The following TMEM170A variants were observed in gnomAD, a reference collection of about 807,000 sequenced individuals.
TMEM170A encodes the protein transmembrane protein 170A, also known as transmembrane protein 170.
In TMEM170A, 18 loss-of-function variants were observed where a neutral mutation model predicts 12.8. The ratio of observed to expected loss-of-function variants is 1.41; its 90% confidence interval spans 0.97 to 2.09. The LOEUF (loss-of-function observed/expected upper bound fraction) is 2.09. Ranked by LOEUF, TMEM170A falls within the 30% of genes most tolerant of loss-of-function variation. The pLI is 0.00. For synonymous variants in TMEM170A, 107 were observed against 76.2 expected (o/e 1.40, Z -2.11); for missense variants, 220 against 179.9 (o/e 1.22, Z -1.28).
intron 1 of TMEM170A, among the ~76,000 whole-genome samples, chr16:75,454,457 A>AGTACAC (rs1320568016): frequency 3.0e-5 from 2 of 66,574 alleles, no homozygotes; most frequent in African/African-American, 9.7e-5. Flanking sequence ...TCTCTCTAAA[A>AGTACAC]ATACACACAC....
chr16:75,457,304 T>A (rs2079816989), intron 1 of TMEM170A, among the ~76,000 whole-genome samples: 1 of 152,220 alleles, frequency 6.6e-6, no homozygotes, highest in African/African-American at 2.4e-5. Context: ...AGCTGGTAAT[T>A]TCCAGGAAAG....
chr16:75,459,721 G>A (rs2079868748), intron 1 of TMEM170A, among the ~76,000 whole-genome samples: 2 of 152,010 alleles, frequency 1.3e-5, no homozygotes, highest in African/African-American at 4.8e-5. Flanking sequence ...GCCGGGTTTG[G>A]TGGTGTCTGC....
chr16:75,452,998 C>G (rs541317099), intron 1 of TMEM170A, among the ~76,000 whole-genome samples: 1 of 152,266 alleles, frequency 6.6e-6, no homozygotes, highest in African/African-American at 2.4e-5. Flanking sequence ...AAGGGCAAAG[C>G]TGATAACAGT....
chr16:75,457,596 T>A (rs1284373666), intron 1 of TMEM170A, among the ~76,000 whole-genome samples: 1 of 152,216 alleles, frequency 6.6e-6, no homozygotes, highest in Non-Finnish European at 1.5e-5. Context: ...ACAGCTAGTC[T>A]GTGGTATTTT....
rs1226113138 is a variant in TMEM170A at position 75,443,159 on chromosome 16, T to C, written c.*4399A>G. On this transcript the variant is annotated 3_prime_UTR_variant, in exon 3 of 3. Transcript: ENST00000561878. ...GTTACACATGCTAGATATTAAGTTA[T>C]TTAAAAAATGAAAACTGAAGTCAAT... 6.6e-6 allele frequency: 1 copy of C among 152,176 alleles called. No homozygotes were observed. Among genetic ancestry groups the C allele is most frequent in the African/African-American group, 2.4e-5 (1 of 41,454 alleles). 9.4% of individuals were successfully genotyped at this position (152,176 alleles called of 1,614,324 possible).
chr16:75,460,312 G>T (rs2079880213), intron 1 of TMEM170A, among the ~76,000 whole-genome samples: 1 of 151,960 alleles, frequency 6.6e-6, no homozygotes, highest in South Asian at 2.1e-4. Flanking sequence ...AAAACCACTG[G>T]ATTGTACACT....
Position 75,447,489 on chromosome 16 carries a change from A to G in TMEM170A, c.*69T>C. ...CTTTGAAGAACTAAGAAAACACTACACTCCATAATGTATTCTTTTGGAGGA... is the reference window on the plus strand; with the variant it reads ...CTTTGAAGAACTAAGAAAACACTACGCTCCATAATGTATTCTTTTGGAGGA... On this transcript the variant is annotated 3_prime_UTR_variant, in exon 3 of 3. Transcript: ENST00000561878. 1 of 1,498,692 alleles carries G rather than the reference A, an allele frequency of 6.7e-7. No homozygotes were observed. Among genetic ancestry groups the G allele is most frequent in the South Asian group, 1.3e-5 (1 of 75,932 alleles). The allele number at this position is 1,498,692 out of a possible 1,614,324, so 92.8% of individuals were successfully genotyped here. A position where few individuals can be genotyped will look rare whatever the true frequency, so the allele number is the denominator to read the frequency against.
intron 1 of TMEM170A, chr16:75,458,263 T>A (rs1257647566): frequency 6.6e-6 from 1 of 152,222 alleles, no homozygotes; most frequent in Admixed American, 6.5e-5. Context: ...TAATACAATA[T>A]GATATTGGAA....
intron 1 of TMEM170A, among the ~76,000 whole-genome samples, chr16:75,462,090 A>G (rs928349289): frequency 1.3e-5 from 2 of 152,224 alleles, no homozygotes; most frequent in Non-Finnish European, 2.9e-5. Context: ...GATAGACATC[A>G]TCTTCACCAA....
chr16:75,454,737 T>C (rs1490516981), intron 1 of TMEM170A, among the ~76,000 whole-genome samples: 1 of 152,164 alleles, frequency 6.6e-6, no homozygotes, highest in Non-Finnish European at 1.5e-5. Context: ...AGATCTAAAG[T>C]GCCAGTATAG....
At chr16:75,460,387 A>C (rs1597454554) in intron 1 of TMEM170A, among the ~76,000 whole-genome samples, 2 of 150,476 alleles carry the variant, frequency 1.3e-5, no homozygotes, top group African/African-American at 4.9e-5. Flanking sequence ...TCCAGGATCT[A>C]CCCTCCCCTC....
At chr16:75,457,483 C>A (rs565789469) in intron 1 of TMEM170A, among the ~76,000 whole-genome samples, 73 of 152,356 alleles carry the variant, frequency 4.8e-4, no homozygotes, top group Non-Finnish European at 8.7e-4. Flanking sequence ...AGGCAGCCAT[C>A]TGCAAGTCAG....
Position 75,459,184 on chromosome 16 carries a change from G to A in TMEM170A, c.133+5284C>T, listed in dbSNP as rs547222890. Among the ~76,000 whole-genome samples, 94 of 152,328 alleles carry A rather than the reference G, an allele frequency of 6.2e-4. No homozygotes were observed. The South Asian group carries it at 8.5e-3, about 14-fold the overall frequency. Reference sequence around the variant, plus strand: ...GCTGGGATTACAGGCATGAGCCACTGTGCCCAGCCTAGACAGACATATCTT... The same window carrying A: ...GCTGGGATTACAGGCATGAGCCACTATGCCCAGCCTAGACAGACATATCTT... On this transcript the variant is annotated intron_variant, in intron 1 of 2. Coordinates refer to ENST00000561878, the MANE Select transcript of TMEM170A (RefSeq NM_145254.3).
chr16:75,451,632 T>C (rs1222572582), intron 2 of TMEM170A, 37 bp downstream of exon 2: 1 of 1,608,684 alleles, frequency 6.2e-7, no homozygotes, highest in Admixed American at 1.7e-5. Context: ...CTAGTCATAT[T>C]AAACATTTTT....
At chr16:75,451,080 G>C (rs866983811) in intron 2 of TMEM170A, among the ~76,000 whole-genome samples, 3 of 152,246 alleles carry the variant, frequency 2.0e-5, no homozygotes, top group Admixed American at 1.3e-4. Flanking sequence ...GATCAGAGAG[G>C]AGAAGTAGCT....
intron 1 of TMEM170A, among the ~76,000 whole-genome samples, chr16:75,462,640 T>G (rs74024791): frequency 0.016 from 2,469 of 152,328 alleles, 63 homozygotes; most frequent in African/African-American, 0.055. Flanking sequence ...TAAAACAGTC[T>G]ATACAACAAT....
At chr16:75,451,394 A>T in intron 2 of TMEM170A, 1 of 532,716 alleles carries the variant, frequency 1.9e-6, no homozygotes, top group South Asian at 2.7e-5. Context: ...AAAAATACAA[A>T]AAAAATTAGC....
At chr16:75,452,528 C>T (rs1160132517) in intron 1 of TMEM170A, 1 of 151,960 alleles carries the variant, frequency 6.6e-6, no homozygotes, top group East Asian at 1.9e-4. Flanking sequence ...CCAGGCTGGT[C>T]TCAAACTCCC....
At chr16:75,464,244 T>C (rs761009994) in intron 1 of TMEM170A, 92 of 1,501,568 alleles carry the variant, frequency 6.1e-5, no homozygotes, top group Non-Finnish European at 7.8e-5. Context: ...GCGGCCGCTC[T>C]CTGCATCTCA....
Sources: allele counts gnomAD v4.1 joint callset (sites outside exome capture counted in the v4.1 genomes callset), GRCh38; gene constraint gnomAD v4.1.1; transcripts MANE v1.5; gene names NCBI Gene and HGNC (gene_info 2026-07-23, HGNC 2026-07-21).